ASTN2: variants seen among roughly 807,000 people sequenced by gnomAD.
ASTN2 encodes astrotactin-2.
A neutral mutation model predicts 139.8 loss-of-function variants in ASTN2; 54 were observed. That is an observed-to-expected ratio of 0.39 (90% CI 0.31 to 0.48). ASTN2 has a LOEUF of 0.48. Ranked by LOEUF, ASTN2 falls within the 20% of genes least tolerant of loss-of-function variation. The probability of loss-of-function intolerance (pLI) is 0.95; values close to 1 mark genes in which losing one functional copy is unlikely to be tolerated. For missense variants in ASTN2, 1,565 were observed against 1,725.1 expected (o/e 0.91, Z 1.64); for synonymous variants, 756 against 719.5 (o/e 1.05, Z -0.81).
chr9:116,980,515 C>T (rs1836482976), intron 7 of ASTN2, among the ~76,000 whole-genome samples: 1 of 152,038 alleles, frequency 6.6e-6, no homozygotes. Context: ...TGTAGAGACA[C>T]AAATTACCTC....
chr9:117,180,234 G>A (rs957967895), intron 3 of ASTN2, among the ~76,000 whole-genome samples: 1 of 152,194 alleles, frequency 6.6e-6, no homozygotes, highest in African/African-American at 2.4e-5. Context: ...AAAGTTTTCA[G>A]TGGCTCCCTG....
intron 2 of ASTN2, among the ~76,000 whole-genome samples, chr9:117,276,688 G>T (rs900166309): frequency 5.9e-5 from 9 of 152,148 alleles, no homozygotes; most frequent in African/African-American, 2.2e-4. Context: ...GGAAGGGAGG[G>T]CTGAGGGCAC....
chr9:116,591,770 G>A (rs1368049268), intron 19 of ASTN2, among the ~76,000 whole-genome samples: 2 of 152,170 alleles, frequency 1.3e-5, no homozygotes, highest in African/African-American at 4.8e-5. Context: ...AGCACAAAGT[G>A]GGCTCTGTGA....
intron 11 of ASTN2, among the ~76,000 whole-genome samples, chr9:116,826,630 A>G (rs1024764156): frequency 2.6e-5 from 4 of 151,976 alleles, no homozygotes; most frequent in African/African-American, 9.7e-5. Flanking sequence ...GCCACACTAC[A>G]CTAGCTTCCC....
intron 3 of ASTN2, among the ~76,000 whole-genome samples, chr9:117,149,817 C>A (rs1338585078): frequency 6.6e-6 from 1 of 152,150 alleles, no homozygotes; most frequent in African/African-American, 2.4e-5. Context: ...TAAAAAATGG[C>A]TCCCTCTTTC....
intron 12 of ASTN2, among the ~76,000 whole-genome samples, chr9:116,818,712 G>A (rs112802009): frequency 6.6e-6 from 1 of 152,148 alleles, no homozygotes; most frequent in South Asian, 2.1e-4. Flanking sequence ...CTAATTCTGT[G>A]CAGGACATTG....
rs201672593 is a variant in ASTN2 at position 116,706,106 on chromosome 9, G to A, written c.2806+19665C>T. On this transcript the variant is annotated intron_variant, in intron 16 of 22. Coordinates refer to ENST00000313400, the MANE Select transcript of ASTN2 (RefSeq NM_001365068.1). ...CTCCTTAGAGTCCTGAGGGTGGAGG[G>A]CAAAGGCATAGTTTGAAAATGCATA... 7.9e-5 allele frequency among the ~76,000 whole-genome samples: 12 copies of A among 152,208 alleles called. No individual in the cohort carries two copies. In the East Asian group the frequency reaches 2.3e-3, roughly 29 times the overall value.
Position 117,039,802 on chromosome 9 carries a change from C to T in ASTN2, c.1423+17G>A, listed in dbSNP as rs930737141. On this transcript the variant is annotated intron_variant, in intron 6 of 22. Transcript: ENST00000313400. ...GTGCTGAGTGGGTGTGGAGCATCTG[C>T]AATGCTCGGCTCTTACCATCTGCTA... The T allele has an allele frequency of 1.2e-6, 2 of 1,610,064 alleles. No homozygotes were observed. Among genetic ancestry groups the T allele is most frequent in the African/African-American group, 1.3e-5 (1 of 74,836 alleles).
chr9:116,788,182 G>C (rs965784511), intron 13 of ASTN2, among the ~76,000 whole-genome samples: 1 of 152,032 alleles, frequency 6.6e-6, no homozygotes, highest in East Asian at 1.9e-4. Flanking sequence ...GAGGAATTGC[G>C]GGGAGATGAA....
intron 4 of ASTN2, among the ~76,000 whole-genome samples, chr9:117,114,214 C>T (rs1829322666): frequency 6.6e-6 from 1 of 150,520 alleles, no homozygotes; most frequent in African/African-American, 2.4e-5. Context: ...AGATTAAGGC[C>T]AGCTTTGTGT....
intron 2 of ASTN2, among the ~76,000 whole-genome samples, chr9:117,216,573 A>G (rs1280942431): frequency 2.0e-5 from 3 of 152,232 alleles, no homozygotes; most frequent in Admixed American, 6.5e-5. Flanking sequence ...ATATATGTGT[A>G]AATGCATGTG....
intron 4 of ASTN2, among the ~76,000 whole-genome samples, chr9:117,123,141 C>G (rs1443760237): frequency 2.0e-5 from 3 of 152,074 alleles, no homozygotes; most frequent in Non-Finnish European, 4.4e-5. Context: ...AGGCTCCACC[C>G]TACAGTGGCA....
At chr9:117,105,110 T>A (rs1829071282) in intron 4 of ASTN2, among the ~76,000 whole-genome samples, 1 of 152,126 alleles carries the variant, frequency 6.6e-6, no homozygotes, top group African/African-American at 2.4e-5. Flanking sequence ...TCTTTTGCAA[T>A]GAGACCTTCG....
chr9:116,778,977 G>C (rs968292811), intron 13 of ASTN2, among the ~76,000 whole-genome samples: 3 of 152,098 alleles, frequency 2.0e-5, no homozygotes, highest in African/African-American at 7.2e-5. Context: ...AGAATGTAAT[G>C]GCTAATTACT....
intron 13 of ASTN2, among the ~76,000 whole-genome samples, chr9:116,754,535 A>C (rs770821607): frequency 3.3e-5 from 5 of 152,164 alleles, no homozygotes; most frequent in Admixed American, 6.5e-5. Context: ...ATTTTTGTAA[A>C]TAATGTTATA....
intron 1 of ASTN2, among the ~76,000 whole-genome samples, chr9:117,351,476 G>A (rs1829384123): frequency 6.6e-6 from 1 of 152,120 alleles, no homozygotes; most frequent in Non-Finnish European, 1.5e-5. Context: ...GCCTTTACTT[G>A]AGTCAAAATC....
chr9:116,875,727 C>A (rs986501980), intron 10 of ASTN2, among the ~76,000 whole-genome samples: 10 of 152,200 alleles, frequency 6.6e-5, no homozygotes, highest in Non-Finnish European at 1.2e-4. Flanking sequence ...GAAGCCAATA[C>A]TAGTTTACCA....
chr9:117,305,835 G>T (rs753706301), intron 1 of ASTN2, among the ~76,000 whole-genome samples: 2 of 152,220 alleles, frequency 1.3e-5, no homozygotes, highest in East Asian at 1.9e-4. Context: ...TAAAGCCACA[G>T]GTAACAATGC....
chr9:116,541,401 G>T (rs540609256), intron 19 of ASTN2, among the ~76,000 whole-genome samples: 2 of 152,270 alleles, frequency 1.3e-5, no homozygotes, highest in Admixed American at 1.3e-4. Context: ...ATGAGCCACT[G>T]CAAGTTCTAC....
Sources: allele counts gnomAD v4.1 joint callset (sites outside exome capture counted in the v4.1 genomes callset), GRCh38; gene constraint gnomAD v4.1.1; transcripts MANE v1.5; gene names NCBI Gene and HGNC (gene_info 2026-07-23, HGNC 2026-07-21).